The following HERC2 variants were observed in gnomAD, a reference collection of about 807,000 sequenced individuals.
HERC2 encodes E3 ubiquitin-protein ligase HERC2.
HERC2 carries 102 observed loss-of-function variants against 537.7 expected under a neutral mutation model. That is an observed-to-expected ratio of 0.19 (90% CI 0.16 to 0.22). The LOEUF is 0.22. Ranked by LOEUF, HERC2 falls within the 10% of genes least tolerant of loss-of-function variation. The pLI, the probability that HERC2 is intolerant of heterozygous loss-of-function variation, is 1.00. For missense variants in HERC2, 4,236 were observed against 6,198.2 expected, an observed-to-expected ratio of 0.68 and a Z score of 10.63; for synonymous variants, 2,224 against 2,466.2, an observed-to-expected ratio of 0.90 and a Z score of 2.91.
intron 4 of HERC2, among the ~76,000 whole-genome samples, chr15:28,291,945 G>C (rs1237654412): frequency 6.8e-6 from 1 of 147,282 alleles, no homozygotes; most frequent in Non-Finnish European, 1.5e-5. Context: ...AGAGGCAAAA[G>C]GGCCAGGTGC....
At chr15:28,132,852 T>A in intron 79 of HERC2, 22 bp from the exon 80 acceptor site, 2 of 1,506,704 alleles carry the variant, frequency 1.3e-6, no homozygotes, top group South Asian at 1.3e-5. Context: ...TCACCAAATA[T>A]AATGGAAACA....
chr15:28,280,203 G>C lies in HERC2; in HGVS notation c.407C>G (p.Ser136Ter). 6.2e-7 allele frequency: 1 copy of C among 1,614,196 alleles called. No homozygotes were observed. The highest frequency in any genetic ancestry group is 8.5e-7 in the Non-Finnish European group (1 of 1,180,032). Residue 136 changes from serine to a stop codon, truncating the protein, a stop_gained, in exon 5 of 93, where the codon TCA becomes TGA. Transcript: ENST00000261609. LOFTEE classifies it high-confidence loss of function. ...LAVQSATTTL[S>*]ALRLKQRLVI... ...CAGCCTCTGCTTGAGTCGCAGGGCT[G>C]AGAGGGTGGTGGTGGCTGACTGGAC...
intron 2 of HERC2, among the ~76,000 whole-genome samples, chr15:28,312,551 C>T (rs1348077596): frequency 6.6e-6 from 1 of 152,168 alleles, no homozygotes; most frequent in Non-Finnish European, 1.5e-5. Context: ...CGGTCACCTG[C>T]ACCCAGGAGT....
Position 28,112,050 on chromosome 15 carries a change from C to T in HERC2, c.14233-15G>A. 6.2e-7 allele frequency: 1 copy of T among 1,610,304 alleles called. No homozygotes were observed. Among genetic ancestry groups the T allele is most frequent in the African/African-American group, 1.3e-5 (1 of 74,952 alleles). ...TTATCCAACACCTGTTGAGCAGAAA[C>T]ATGAAGTGATTAGAAATTGAGTACG... On this transcript the variant is annotated splice_polypyrimidine_tract_variant and intron_variant, in intron 92 of 92. Coordinates refer to ENST00000261609, the MANE Select transcript of HERC2 (RefSeq NM_004667.6).
chr15:28,314,152 T>C (rs374146885), intron 2 of HERC2, among the ~76,000 whole-genome samples: 167 of 152,088 alleles, frequency 1.1e-3, no homozygotes, highest in African/African-American at 3.9e-3. Context: ...CAATATTGCA[T>C]ATACAATATC....
chr15:28,115,359 C>A, intron 89 of HERC2, 70 bp downstream of exon 89: 1 of 1,029,914 alleles, frequency 9.7e-7, no homozygotes, highest in South Asian at 1.5e-5. Flanking sequence ...ACAGCCTGAC[C>A]GGACCCGCAG....
intron 35 of HERC2, among the ~76,000 whole-genome samples, chr15:28,226,596 T>C (rs1901198889): frequency 6.6e-6 from 1 of 152,124 alleles, no homozygotes; most frequent in Non-Finnish European, 1.5e-5. Context: ...TAAAAGAAAT[T>C]ACCTAAAAAT....
chr15:28,297,668 A>T (rs2076506294), intron 3 of HERC2, among the ~76,000 whole-genome samples: 1 of 152,226 alleles, frequency 6.6e-6, no homozygotes, highest in African/African-American at 2.4e-5. Context: ...AATTTGTCAA[A>T]TGCTGGAGAA....
In HERC2 at chr15:28,168,530, C is replaced by G; in HGVS notation, c.10290G>C (p.Ser3430=). Residue 3430 remains serine, a synonymous_variant, in exon 67 of 93, where the codon TCG becomes TCC. Coordinates refer to ENST00000261609, the MANE Select transcript of HERC2 (RefSeq NM_004667.6). Reference sequence around the variant, plus strand: ...CGTCGGAAGGGGCCGCCGAGGAGAACGAGGGGCACTCCACCGGGGCGATCA... The same window carrying G: ...CGTCGGAAGGGGCCGCCGAGGAGAAGGAGGGGCACTCCACCGGGGCGATCA... ...AAMIAPVECP[S]FSSAAPSDAS... is the part of the protein sequence containing the mutation. 2 of 1,614,166 alleles carry G rather than the reference C, an allele frequency of 1.2e-6. No homozygotes were observed. Among genetic ancestry groups the G allele is most frequent in the Non-Finnish European group, 1.7e-6 (2 of 1,180,018 alleles).
rs1242842325 is a variant in HERC2 at position 28,178,881 on chromosome 15, T to A, written c.9163+6A>T. The A allele has an allele frequency of 1.2e-6, 2 of 1,612,838 alleles. No individual in the cohort carries two copies. Among genetic ancestry groups the A allele is most frequent in the Admixed American group, 3.3e-5 (2 of 59,972 alleles). ...CCGCACAGGCCTCCTGGTGCTTGGCTTGTACCTGAGTGAACAGCCACCTTC... is the reference window on the plus strand; with the variant it reads ...CCGCACAGGCCTCCTGGTGCTTGGCATGTACCTGAGTGAACAGCCACCTTC... On this transcript the variant is annotated splice_donor_region_variant and intron_variant, in intron 59 of 92. Coordinates refer to ENST00000261609, the MANE Select transcript of HERC2 (RefSeq NM_004667.6).
chr15:28,157,751 T>C (rs1893161094), intron 69 of HERC2, among the ~76,000 whole-genome samples: 1 of 152,224 alleles, frequency 6.6e-6, no homozygotes, highest in Non-Finnish European at 1.5e-5. Flanking sequence ...TTAGTTCTGC[T>C]CTGATCTTAG....
chr15:28,148,778 C>T (rs554831413), intron 70 of HERC2, among the ~76,000 whole-genome samples: 1 of 151,602 alleles, frequency 6.6e-6, no homozygotes, highest in African/African-American at 2.4e-5. Flanking sequence ...GGCTTCTAAC[C>T]GAGAGCATCA....
intron 12 of HERC2, among the ~76,000 whole-genome samples, chr15:28,267,237 G>A (rs1457072204): frequency 6.6e-6 from 1 of 152,110 alleles, no homozygotes; most frequent in Non-Finnish European, 1.5e-5. Flanking sequence ...CTCTACTCCA[G>A]TACAAACTAT....
At chr15:28,238,900 T>C (rs1450085518) in intron 23 of HERC2, 128 bp from the exon 24 acceptor site, 4 of 744,812 alleles carry the variant, frequency 5.4e-6, no homozygotes, top group African/African-American at 1.7e-5. Flanking sequence ...AATACATACC[T>C]AGCTCTGAAA....
chr15:28,215,202 G>T, intron 39 of HERC2, among the ~76,000 whole-genome samples: 1 of 152,000 alleles, frequency 6.6e-6, no homozygotes, highest in Non-Finnish European at 1.5e-5. Context: ...TTCTCATAAC[G>T]CAAGTAATCA....
intron 3 of HERC2, among the ~76,000 whole-genome samples, chr15:28,295,330 A>AGG (rs2076438071): frequency 3.5e-4 from 2 of 5,734 alleles, no homozygotes; most frequent in Non-Finnish European, 6.7e-4. Context: ...AGTGGGGGGG[A>AGG]GGCGGTGGGG....
chr15:28,263,219 A>G, intron 14 of HERC2, 50 bp from the exon 15 acceptor site: 1 of 1,573,666 alleles, frequency 6.4e-7, no homozygotes, highest in South Asian at 1.2e-5. Flanking sequence ...ATTTTAACGA[A>G]AAATTTTAAA....
chr15:28,115,316 C>T (rs373088790), intron 89 of HERC2, 113 bp downstream of exon 89: 104 of 564,674 alleles, frequency 1.8e-4, no homozygotes, highest in East Asian at 6.5e-4. Flanking sequence ...ACAGCCTCTG[C>T]GTCACCTGGG....
At chr15:28,126,561 T>C (rs1402950273) in intron 83 of HERC2, among the ~76,000 whole-genome samples, 1 of 152,210 alleles carries the variant, frequency 6.6e-6, no homozygotes, top group African/African-American at 2.4e-5. Context: ...TAAAAAGGAA[T>C]GAAATGATTG....
Sources: gnomAD v4.1 joint callset for allele counts (sites outside exome capture counted in the v4.1 genomes callset) on GRCh38, gnomAD v4.1.1 for gene constraint, MANE v1.5 for transcripts, NCBI Gene and HGNC (gene_info 2026-07-23, HGNC 2026-07-21) for gene names.